NELL2: variants seen among roughly 807,000 people sequenced by gnomAD.
NELL2 encodes neural EGFL like 2, also known as protein kinase C-binding protein NELL2.
Under a neutral mutation model 109.6 loss-of-function variants are expected in NELL2, and 41 were observed. The observed-to-expected ratio is 0.37, with a 90% CI of 0.29 to 0.49. The LOEUF (loss-of-function observed/expected upper bound fraction) is 0.49. Among genes scored for constraint, NELL2 ranks in the 20% least tolerant of loss-of-function variants. NELL2 has a pLI of 0.98. For synonymous variants in NELL2, 355 were observed against 344.7 expected (o/e 1.03, Z -0.33); for missense variants, 900 against 1,008.3 (o/e 0.89, Z 1.45).
chr12:44,880,514 G>T (rs1470217831), upstream of NELL2, among the ~76,000 whole-genome samples: 1 of 151,956 alleles, frequency 6.6e-6, no homozygotes, highest in Non-Finnish European at 1.5e-5. Flanking sequence ...AAACATGAAT[G>T]TTACAGTTAA....
intron 2 of NELL2, among the ~76,000 whole-genome samples, chr12:44,826,037 C>T (rs747061156): frequency 1.3e-5 from 2 of 150,622 alleles, no homozygotes; most frequent in South Asian, 2.1e-4. Flanking sequence ...AGTGAAACTC[C>T]GTCAAAAAAA....
At chr12:44,838,234 T>C (rs1020226492) in intron 2 of NELL2, among the ~76,000 whole-genome samples, 4 of 152,128 alleles carry the variant, frequency 2.6e-5, no homozygotes, top group Non-Finnish European at 4.4e-5. Flanking sequence ...ATGAGAAATA[T>C]GGTAACAAAA....
chr12:44,634,971 C>T (rs1334958770), intron 13 of NELL2, among the ~76,000 whole-genome samples: 1 of 152,110 alleles, frequency 6.6e-6, no homozygotes, highest in Non-Finnish European at 1.5e-5. Flanking sequence ...TTAATGATCA[C>T]CATTGTATCT....
At chr12:44,673,232 G>GGAA (rs1948203234) in intron 12 of NELL2, among the ~76,000 whole-genome samples, 2 of 152,244 alleles carry the variant, frequency 1.3e-5, no homozygotes, top group East Asian at 3.9e-4. Flanking sequence ...CCATTTACAT[G>GGAA]TACAGATATT....
intron 2 of NELL2, among the ~76,000 whole-genome samples, chr12:44,867,605 T>C (rs1174308151): frequency 6.6e-6 from 1 of 152,172 alleles, no homozygotes; most frequent in Non-Finnish European, 1.5e-5. Flanking sequence ...CTATTCAACA[T>C]AGTACTGTAA....
chr12:44,655,660 T>A (rs1947474104), intron 13 of NELL2, among the ~76,000 whole-genome samples: 2 of 152,212 alleles, frequency 1.3e-5, no homozygotes, highest in African/African-American at 4.8e-5. Context: ...GTAACCAGAG[T>A]ACATGCTTTT....
chr12:44,602,703 G>A (rs1283886654), intron 15 of NELL2, among the ~76,000 whole-genome samples: 1 of 151,964 alleles, frequency 6.6e-6, no homozygotes, highest in Non-Finnish European at 1.5e-5. Flanking sequence ...CAACTGTTCT[G>A]AGAATTTTCC....
chr12:44,745,923 T>C (rs1032253908), intron 9 of NELL2, among the ~76,000 whole-genome samples: 1 of 152,226 alleles, frequency 6.6e-6, no homozygotes, highest in African/African-American at 2.4e-5. Context: ...CCAATGACTT[T>C]CTTCACAGAA....
chr12:44,837,408 G>C (rs1161747981), intron 2 of NELL2, among the ~76,000 whole-genome samples: 1 of 152,088 alleles, frequency 6.6e-6, no homozygotes, highest in Non-Finnish European at 1.5e-5. Flanking sequence ...ATTCCCTGGG[G>C]GACAAAACTG....
At chr12:44,700,141 T>C (rs1456931961) in intron 12 of NELL2, among the ~76,000 whole-genome samples, 1 of 152,136 alleles carries the variant, frequency 6.6e-6, no homozygotes, top group Non-Finnish European at 1.5e-5. Context: ...AACCTGGGAA[T>C]CAACCTCTAA....
At chr12:44,659,645 A>G (rs1289062770) in intron 13 of NELL2, among the ~76,000 whole-genome samples, 1 of 152,154 alleles carries the variant, frequency 6.6e-6, no homozygotes, top group Non-Finnish European at 1.5e-5. Context: ...AAAAAATTCA[A>G]CATCAACCAT....
intron 9 of NELL2, among the ~76,000 whole-genome samples, chr12:44,745,010 T>A (rs184816775): frequency 2.0e-4 from 31 of 152,234 alleles, no homozygotes; most frequent in Admixed American, 5.2e-4. Context: ...AAAAAGAGAA[T>A]TTTACACCAA....
chr12:44,835,092 G>A (rs1257345672), intron 2 of NELL2, among the ~76,000 whole-genome samples: 1 of 152,072 alleles, frequency 6.6e-6, no homozygotes, highest in African/African-American at 2.4e-5. Context: ...GACACCCATG[G>A]TATCAAAGCT....
intron 13 of NELL2, among the ~76,000 whole-genome samples, chr12:44,631,168 A>G (rs1488195696): frequency 6.6e-6 from 1 of 151,034 alleles, no homozygotes; most frequent in African/African-American, 2.4e-5. Flanking sequence ...AAATAGGTCT[A>G]TGTCTTTTAC....
chr12:44,781,668 A>G (rs1233204869), intron 3 of NELL2, among the ~76,000 whole-genome samples: 1 of 152,162 alleles, frequency 6.6e-6, no homozygotes, highest in Non-Finnish European at 1.5e-5. Flanking sequence ...AATCTTGCAC[A>G]TTAAGTACAA....
At chr12:44,902,278 T>C (rs781758773) in intron 1 of NELL2, among the ~76,000 whole-genome samples, 16 of 152,110 alleles carry the variant, frequency 1.1e-4, no homozygotes, top group Non-Finnish European at 1.8e-4. Flanking sequence ...GAGACCTAAA[T>C]CATGAGTGAA....
chr12:44,707,062 T>C (rs1937924481), intron 11 of NELL2, among the ~76,000 whole-genome samples: 1 of 152,224 alleles, frequency 6.6e-6, no homozygotes, highest in Non-Finnish European at 1.5e-5. Flanking sequence ...TTATAGGTTT[T>C]GCCTAAAGGC....
chr12:44,678,708 A>G (rs550237877), intron 12 of NELL2, among the ~76,000 whole-genome samples: 4 of 152,136 alleles, frequency 2.6e-5, no homozygotes, highest in Admixed American at 6.6e-5. Context: ...ACAGTGTAGT[A>G]TCATGAAGAC....
chr12:44,752,211 T>C (rs956917846), intron 9 of NELL2, among the ~76,000 whole-genome samples: 1 of 152,222 alleles, frequency 6.6e-6, no homozygotes, highest in East Asian at 1.9e-4. Flanking sequence ...TTACTATAAT[T>C]AGAAAGCAAT....
Sources: gnomAD v4.1 joint callset for allele counts (sites outside exome capture counted in the v4.1 genomes callset) on GRCh38, gnomAD v4.1.1 for gene constraint, MANE v1.5 for transcripts, NCBI Gene and HGNC (gene_info 2026-07-23, HGNC 2026-07-21) for gene names.